The following SGCE variants were observed in gnomAD, a reference collection of about 807,000 sequenced individuals.
The protein encoded by SGCE is sarcoglycan epsilon, also known as epsilon-sarcoglycan.
In SGCE, 26 loss-of-function variants were observed where a neutral mutation model predicts 57.8. The observed-to-expected ratio is 0.45, with a 90% confidence interval of 0.33 to 0.62. The LOEUF (loss-of-function observed/expected upper bound fraction) is 0.62, where lower values mean the gene tolerates loss of function less well. Among genes scored for constraint, SGCE ranks in the 20% least tolerant of loss-of-function variants. SGCE has a pLI of 0.02. For missense variants in SGCE, 468 were observed against 548.6 expected (o/e 0.85, Z 1.47); for synonymous variants, 183 against 189.5 (o/e 0.97, Z 0.28).
At chr7:94,599,778 T>C (rs1284481844) in intron 7 of SGCE, 55 bp from the exon 8 acceptor site, 3 of 1,172,504 alleles carry the variant, frequency 2.6e-6, no homozygotes, top group Non-Finnish European at 3.8e-6. Flanking sequence ...TTTGGAACAT[T>C]AAGACTATAT....
intron 5 of SGCE, among the ~76,000 whole-genome samples, chr7:94,603,745 C>CA: frequency 6.6e-6 from 1 of 152,142 alleles, no homozygotes; most frequent in South Asian, 2.1e-4. Context: ...TATAAACATG[C>CA]ATCATATTCT....
At chr7:94,598,646 A>G in intron 9 of SGCE, 129 bp downstream of exon 9, 2 of 772,380 alleles carry the variant, frequency 2.6e-6, no homozygotes, top group Non-Finnish European at 4.6e-6. Context: ...AGATTTACAC[A>G]ATGTCCTTTT....
At chr7:94,618,628 A>C in intron 5 of SGCE, 130 bp downstream of exon 5, 1 of 737,690 alleles carries the variant, frequency 1.4e-6, no homozygotes, top group Non-Finnish European at 2.2e-6. Flanking sequence ...TAGTATGTTC[A>C]TATCTTTACA....
At chr7:94,590,063 A>T (rs902875393) in intron 9 of SGCE, 3 of 152,084 alleles carry the variant, frequency 2.0e-5, no homozygotes, top group Non-Finnish European at 4.4e-5. Context: ...AGATTTCTTA[A>T]TGTGGCCTGG....
intron 4 of SGCE, among the ~76,000 whole-genome samples, chr7:94,622,990 C>T (rs1243518005): frequency 1.3e-5 from 2 of 152,052 alleles, no homozygotes; most frequent in African/African-American, 4.8e-5. Flanking sequence ...ATCAGCTAGG[C>T]TGGAGTGCAG....
chr7:94,590,111 C>A (rs1431684966), intron 9 of SGCE: 1 of 152,170 alleles, frequency 6.6e-6, no homozygotes, highest in Admixed American at 6.5e-5. Context: ...TGGAGTGCCC[C>A]ATGTCTGCTT....
intron 1 of SGCE, among the ~76,000 whole-genome samples, chr7:94,648,395 AAAAG>A (rs1483688837): frequency 1.3e-5 from 2 of 151,258 alleles, no homozygotes; most frequent in Admixed American, 6.6e-5. Flanking sequence ...AAAAAAAAAA[AAAAG>A]AATTACTAAT....
chr7:94,613,542 T>G (rs937235793), intron 5 of SGCE, among the ~76,000 whole-genome samples: 3 of 152,002 alleles, frequency 2.0e-5, no homozygotes, highest in Non-Finnish European at 2.9e-5. Context: ...CTAGATAGAG[T>G]TGTTTCTTGT....
At chr7:94,588,656 C>T in intron 10 of SGCE, 33 bp downstream of exon 10, 1 of 1,574,068 alleles carries the variant, frequency 6.4e-7, no homozygotes. Context: ...TAGATTCATT[C>T]ATAAACATTA....
chr7:94,601,638 A>G (rs985875874), intron 6 of SGCE, among the ~76,000 whole-genome samples: 2 of 152,102 alleles, frequency 1.3e-5, no homozygotes, highest in African/African-American at 4.8e-5. Context: ...GGGGAGAATT[A>G]GTTGCAGCAT....
rs1191837469 is a variant in SGCE, at chr7:94,585,163, G to A, written c.*336C>T. 8.0e-6 allele frequency: 2 copies of A among 249,470 alleles called. No individual in the cohort carries two copies. The highest frequency in any genetic ancestry group is 7.7e-6 in the Non-Finnish European group (1 of 129,562). The allele number at this position is 249,470 out of a possible 1,614,324, so 15.5% of individuals were successfully genotyped here. ...ATGAACACATAAACCTGTTTCTAGC[G>A]ATTAAAAGATTTCTACTAAATAGGA... On this transcript the variant is annotated 3_prime_UTR_variant, in exon 11 of 11. Coordinates refer to ENST00000648936, the MANE Select transcript of SGCE (RefSeq NM_003919.3).
intron 10 of SGCE, chr7:94,587,837 G>A: frequency 6.5e-7 from 1 of 1,532,636 alleles, no homozygotes; most frequent in East Asian, 2.5e-5. Flanking sequence ...AGCAGTAATA[G>A]AGAAGATAAT....
At chr7:94,623,197 T>C (rs953491473) in intron 4 of SGCE, 128 bp downstream of exon 4, 12 of 592,962 alleles carry the variant, frequency 2.0e-5, no homozygotes, top group East Asian at 1.4e-4. Flanking sequence ...CTTTTCTATA[T>C]CTTATTATTT....
At position 94,648,376 on chromosome 7, in the gene SGCE, C is replaced by CAAAAAAAAAAA. The variant is rs71123907; in HGVS notation, c.109+7603_109+7613dup. Among the ~76,000 whole-genome samples, 187 of 65,074 alleles carry CAAAAAAAAAAA rather than the reference C, an allele frequency of 2.9e-3. 1 individual carries two copies. Among genetic ancestry groups the CAAAAAAAAAAA allele is most frequent in the East Asian group, 0.011 (23 of 2,118 alleles). The allele number at this position is 65,074 out of a possible 152,430, so 42.7% of individuals were successfully genotyped here. On this transcript the variant is annotated intron_variant, in intron 1 of 10. Transcript: ENST00000648936. ...GGCAACAAGAACAAAACTCTGTCTC[C>CAAAAAAAAAAA]AAAAAAAAAAAAAAAAAAAAAAGAA...
intron 1 of SGCE, among the ~76,000 whole-genome samples, chr7:94,641,369 C>T (rs1296700550): frequency 2.0e-5 from 3 of 152,166 alleles, no homozygotes; most frequent in South Asian, 2.1e-4. Flanking sequence ...AATAGGGAAG[C>T]AAAAAGATCA....
intron 5 of SGCE, among the ~76,000 whole-genome samples, chr7:94,604,689 T>C (rs1057128814): frequency 1.1e-4 from 16 of 147,908 alleles, no homozygotes; most frequent in African/African-American, 2.7e-4. Context: ...CCACATATCC[T>C]GTCCTACCTA....
intron 1 of SGCE, among the ~76,000 whole-genome samples, chr7:94,646,964 C>T (rs771785555): frequency 2.6e-5 from 4 of 152,184 alleles, no homozygotes; most frequent in South Asian, 2.1e-4. Context: ...CACTGCCTAG[C>T]GTATCTACCC....
intron 1 of SGCE, among the ~76,000 whole-genome samples, chr7:94,636,188 G>A (rs1177471192): frequency 1.3e-5 from 2 of 152,166 alleles, no homozygotes; most frequent in African/African-American, 4.8e-5. Context: ...GATTTCATGT[G>A]TGTGTTTTTT....
intron 1 of SGCE, among the ~76,000 whole-genome samples, chr7:94,645,146 T>A (rs1224852947): frequency 2.0e-5 from 3 of 152,192 alleles, no homozygotes; most frequent in Admixed American, 2.0e-4. Flanking sequence ...CATGAACACA[T>A]CAATACTACC....
Sources: allele counts gnomAD v4.1 joint callset (sites outside exome capture counted in the v4.1 genomes callset), GRCh38; gene constraint gnomAD v4.1.1; transcripts MANE v1.5; gene names NCBI Gene and HGNC (gene_info 2026-07-23, HGNC 2026-07-21).